TOGARAM2: variants seen among roughly 807,000 people sequenced by gnomAD.
TOGARAM2 encodes the protein TOG array regulator of axonemal microtubules protein 2.
In TOGARAM2, 85 loss-of-function variants were observed where a neutral mutation model predicts 93.3. The ratio of observed to expected loss-of-function variants is 0.91; its 90% CI spans 0.76 to 1.09. The LOEUF is 1.09. TOGARAM2 is among the 50% of genes least tolerant of loss of function. TOGARAM2 has a pLI of 0.00. For synonymous variants in TOGARAM2, 593 were observed against 552.8 expected, an observed-to-expected ratio of 1.07 and a Z score of -1.02; for missense variants, 1,277 against 1,334.5, an observed-to-expected ratio of 0.96 and a Z score of 0.67.
chr2:29,037,999 C>T lies in TOGARAM2; in HGVS notation c.2635+1242C>T, dbSNP rs373613586. ...GGAGAGGAATTTTTAACTCTTCCCC[C>T]TCCAGGTGTTTTAGTTTCCACTTTT... On this transcript the variant is annotated intron_variant, in intron 18 of 19. Coordinates refer to ENST00000379558, the MANE Select transcript of TOGARAM2 (RefSeq NM_199280.4). 3.4e-4 allele frequency among the ~76,000 whole-genome samples: 52 copies of T among 152,314 alleles called. No homozygotes were observed. The South Asian group carries it at 0.011, about 32-fold the overall frequency.
intron 6 of TOGARAM2, among the ~76,000 whole-genome samples, chr2:29,006,393 T>C (rs1663865483): frequency 6.7e-6 from 1 of 148,542 alleles, no homozygotes; most frequent in South Asian, 2.2e-4. Flanking sequence ...TGAGTGCGTG[T>C]GTGTGAGTGC....
chr2:28,967,048 G>C (rs890335293), intron 1 of TOGARAM2, among the ~76,000 whole-genome samples: 3 of 152,222 alleles, frequency 2.0e-5, no homozygotes, highest in African/African-American at 7.2e-5. Flanking sequence ...TTAGAAAAAA[G>C]GAAAGCGGCA....
rs558830567 is a variant in TOGARAM2, at chr2:29,017,962, C to A, written c.1360+6C>A. 2 of 1,593,868 alleles carry A rather than the reference C, an allele frequency of 1.3e-6. No homozygotes were observed. The highest frequency in any genetic ancestry group is 2.7e-5 in the African/African-American group (2 of 74,590). Reference sequence around the variant, plus strand: ...CTTTGCCCGCCACGCCTCAGGTGGGCAGGCCCGACTGGCAGGCACACGTGT... The same window carrying A: ...CTTTGCCCGCCACGCCTCAGGTGGGAAGGCCCGACTGGCAGGCACACGTGT... On this transcript the variant is annotated splice_donor_region_variant and intron_variant, in intron 10 of 19. Coordinates refer to ENST00000379558, the MANE Select transcript of TOGARAM2 (RefSeq NM_199280.4).
At chr2:29,012,710 C>T (rs1324193305) in intron 7 of TOGARAM2, among the ~76,000 whole-genome samples, 1 of 152,258 alleles carries the variant, frequency 6.6e-6, no homozygotes, top group Non-Finnish European at 1.5e-5. Flanking sequence ...AAAGGGCTCT[C>T]TGCCCTCCAG....
At chr2:29,006,191 ATGTGTGTGAGTGCATGTGTT>A (rs1663807876) in intron 6 of TOGARAM2, among the ~76,000 whole-genome samples, 1 of 142,692 alleles carries the variant, frequency 7.0e-6, no homozygotes, top group Non-Finnish European at 1.5e-5. Context: ...ATGTGTGTGC[ATGTGTGTGAGTGCATGTGTT>A]TGTGTGTGTG....
intron 2 of TOGARAM2, among the ~76,000 whole-genome samples, chr2:28,995,490 G>A (rs911316577): frequency 5.9e-5 from 9 of 152,234 alleles, no homozygotes; most frequent in South Asian, 2.1e-4. Context: ...CGGTTCAGGA[G>A]ACAGCGCATG....
chr2:29,031,193 A>C (rs113425040), intron 14 of TOGARAM2, among the ~76,000 whole-genome samples: 51 of 152,312 alleles, frequency 3.3e-4, no homozygotes, highest in African/African-American at 1.1e-3. Context: ...GGGTCTTGCT[A>C]TGTTGCCCAG....
intron 14 of TOGARAM2, among the ~76,000 whole-genome samples, chr2:29,030,464 A>T (rs917074023): frequency 6.6e-6 from 1 of 152,090 alleles, no homozygotes; most frequent in Non-Finnish European, 1.5e-5. Flanking sequence ...ATGCAACGAA[A>T]AAAAAAAGGA....
chr2:28,966,410 G>A (rs780785836), intron 1 of TOGARAM2, among the ~76,000 whole-genome samples: 2 of 152,044 alleles, frequency 1.3e-5, no homozygotes, highest in Non-Finnish European at 2.9e-5. Flanking sequence ...CGATTCTCCT[G>A]CCTCAGCCTC....
At chr2:28,989,123 C>G (rs1390341616) in intron 1 of TOGARAM2, among the ~76,000 whole-genome samples, 1 of 152,180 alleles carries the variant, frequency 6.6e-6, no homozygotes, top group African/African-American at 2.4e-5. Flanking sequence ...GATCTCAGCT[C>G]ACTGCAACCT....
At chr2:29,000,806 C>T (rs781046672) in intron 4 of TOGARAM2, among the ~76,000 whole-genome samples, 14 of 152,150 alleles carry the variant, frequency 9.2e-5, no homozygotes, top group Non-Finnish European at 2.1e-4. Context: ...GAGGAATTGT[C>T]CTGGCTGCAC....
At chr2:29,022,053 A>T in intron 10 of TOGARAM2, 105 bp from the exon 11 acceptor site, 1 of 1,476,610 alleles carries the variant, frequency 6.8e-7, no homozygotes, top group Non-Finnish European at 9.3e-7. Context: ...AGGTGGGCTC[A>T]GGGTGGTGGC....
At chr2:28,971,217 CT>C (rs895362613) in intron 1 of TOGARAM2, 26 of 148,930 alleles carry the variant, frequency 1.7e-4, no homozygotes, top group South Asian at 1.5e-3. Context: ...AGTTTCTTTT[CT>C]TTTTTTTTTA....
intron 1 of TOGARAM2, among the ~76,000 whole-genome samples, chr2:28,967,798 C>CTTTTT (rs11417570): frequency 0.013 from 1,007 of 78,574 alleles, 133 homozygotes; most frequent in African/African-American, 0.042. Flanking sequence ...ATAAGATGGT[C>CTTTTT]TTTTTTTTTT....
chr2:29,024,026 G>A (rs1665153090), intron 12 of TOGARAM2, 113 bp from the exon 13 acceptor site: 2 of 891,284 alleles, frequency 2.2e-6, no homozygotes, highest in African/African-American at 3.4e-5. Flanking sequence ...CAAGGCCTAG[G>A]TCAGGGGAAG....
chr2:28,973,449 T>TCCCTTCC (rs779589371), intron 1 of TOGARAM2, among the ~76,000 whole-genome samples: 8,873 of 118,482 alleles, frequency 0.075, 448 homozygotes, highest in East Asian at 0.44. Context: ...TCCCCTTCCT[T>TCCCTTCC]CCTTCCTTCC....
Position 29,014,451 on chromosome 2 carries a change from G to A in TOGARAM2, c.934G>A (p.Ala312Thr). 6.2e-7 allele frequency: 1 copy of A among 1,607,594 alleles called. No homozygotes were observed. The highest frequency in any genetic ancestry group is 8.5e-7 in the Non-Finnish European group (1 of 1,177,280). The change falls in exon 8 of 20, where the codon GCC becomes ACC. Residue 312 changes from alanine (A) to threonine (T), a missense_variant. Coordinates refer to ENST00000379558, the MANE Select transcript of TOGARAM2 (RefSeq NM_199280.4). ...RDRPAAAKKP[A>T]LPFSQSAPTL... ...CAGGCCTGCCGCTGCCAAGAAGCCTGCCCTGCCTTTTTCTCAGTCTGCTCC... is the reference window on the plus strand; with the variant it reads ...CAGGCCTGCCGCTGCCAAGAAGCCTACCCTGCCTTTTTCTCAGTCTGCTCC...
At chr2:29,009,182 C>T (rs1472211208) in intron 6 of TOGARAM2, among the ~76,000 whole-genome samples, 1 of 152,176 alleles carries the variant, frequency 6.6e-6, no homozygotes, top group East Asian at 1.9e-4. Context: ...AGGCAGACTT[C>T]TCAGGGCAGG....
intron 1 of TOGARAM2, among the ~76,000 whole-genome samples, chr2:28,965,304 T>G (rs1671852810): frequency 6.6e-6 from 1 of 152,240 alleles, no homozygotes; most frequent in African/African-American, 2.4e-5. Context: ...CTCTGCTATT[T>G]CTTTTCTATT....
Sources: allele counts gnomAD v4.1 joint callset (sites outside exome capture counted in the v4.1 genomes callset), GRCh38; gene constraint gnomAD v4.1.1; transcripts MANE v1.5; gene names NCBI Gene and HGNC (gene_info 2026-07-23, HGNC 2026-07-21).